Variants in SYT12 observed in about 807,000 individuals in gnomAD.
SYT12 encodes synaptotagmin-12.
SYT12 carries 27 observed loss-of-function variants against 39.5 expected under a neutral mutation model. The observed-to-expected ratio is 0.68, with a 90% CI of 0.50 to 0.94. The LOEUF is 0.94. SYT12 is among the 40% of genes least tolerant of loss of function. SYT12 has a pLI of 0.00. For synonymous variants in SYT12, 233 were observed against 239.7 expected (o/e 0.97, Z 0.26); for missense variants, 536 against 572.6 (o/e 0.94, Z 0.65).
At chr11:67,043,204 G>A (rs1373255394) in intron 4 of SYT12, among the ~76,000 whole-genome samples, 1 of 152,186 alleles carries the variant, frequency 6.6e-6, no homozygotes, top group Non-Finnish European at 1.5e-5. Flanking sequence ...TCCAGCCTAC[G>A]GTGTTCAAAC....
chr11:67,034,644 G>C lies in SYT12; in HGVS notation c.35-1G>C, dbSNP rs750151058. On this transcript the variant is annotated splice_acceptor_variant, in intron 2 of 7. Coordinates refer to ENST00000527043, the MANE Select transcript of SYT12 (RefSeq NM_177963.4). LOFTEE classifies it high-confidence loss of function. ...AATGAGAGGCTGCCCTTGCCTTGCA[G>C]TCATCAAGAGCCCCCCTGGCTGGGA... 30 of 1,589,580 alleles carry C rather than the reference G, an allele frequency of 1.9e-5. No homozygotes were observed. The highest frequency in any genetic ancestry group is 2.6e-5 in the Non-Finnish European group (30 of 1,170,988).
At chr11:67,034,290 T>G (rs1950320158) in intron 2 of SYT12, among the ~76,000 whole-genome samples, 3 of 152,226 alleles carry the variant, frequency 2.0e-5, no homozygotes, top group African/African-American at 7.2e-5. Flanking sequence ...GTACACAGGC[T>G]GATCATCCTA....
intron 1 of SYT12, chr11:67,029,017 C>G (rs777908745): frequency 6.6e-6 from 1 of 152,262 alleles, no homozygotes; most frequent in East Asian, 1.9e-4. Flanking sequence ...TCCTGGCCCT[C>G]GGTGCCCTTG....
Position 67,045,829 on chromosome 11 carries a change from G to C in SYT12, c.1044G>C (p.Pro348=), listed in dbSNP as rs190470065. 2 of 1,613,758 alleles carry C rather than the reference G, an allele frequency of 1.2e-6. No individual in the cohort carries two copies. Among genetic ancestry groups the C allele is most frequent in the Non-Finnish European group, 1.7e-6 (2 of 1,179,942 alleles). ...KTAVKRDDPN[P]VFNEAMIFSV... ...CCGTGAAGAGGGATGACCCCAACCC[G>C]GTGTTCAACGAAGCCATGATCTTCT... The change falls in exon 7 of 8, where the codon CCG becomes CCC. Residue 348 remains proline, a synonymous_variant. Coordinates refer to ENST00000527043, the MANE Select transcript of SYT12 (RefSeq NM_177963.4).
At chr11:67,017,943 A>G (rs1042482376) in intron 3 of SYT12, among the ~76,000 whole-genome samples, 5 of 151,414 alleles carry the variant, frequency 3.3e-5, no homozygotes, top group Non-Finnish European at 5.9e-5. Flanking sequence ...CTGGAGGACA[A>G]GAGTGAGGCT....
At chr11:67,021,695 A>T (rs1435372237), upstream of SYT12, among the ~76,000 whole-genome samples, 3 of 152,154 alleles carry the variant, frequency 2.0e-5, no homozygotes, top group Admixed American at 1.3e-4. Context: ...TCGGCCATTC[A>T]TTCCCCAGGC....
At chr11:67,048,086 C>T (rs1458376767) in intron 7 of SYT12, among the ~76,000 whole-genome samples, 2 of 150,562 alleles carry the variant, frequency 1.3e-5, no homozygotes, top group African/African-American at 2.4e-5. Flanking sequence ...CCACCGTGCC[C>T]GGCCGAAACC....
At chr11:67,035,457 T>C (rs1477963675) in intron 3 of SYT12, among the ~76,000 whole-genome samples, 1 of 144,984 alleles carries the variant, frequency 6.9e-6, no homozygotes, top group African/African-American at 2.7e-5. Flanking sequence ...CTTTTTCTTT[T>C]CTTTTTTTTT....
chr11:67,044,366 G>A (rs560885565), intron 5 of SYT12, among the ~76,000 whole-genome samples: 3 of 152,156 alleles, frequency 2.0e-5, no homozygotes, highest in Admixed American at 6.5e-5. Flanking sequence ...GGACCCTCCC[G>A]GTGGAAGGGA....
exon 2 of SYT12, chr11:67,009,897 G>A (rs1334232199): frequency 1.3e-5 from 2 of 152,920 alleles, no homozygotes; most frequent in African/African-American, 4.8e-5. Context: ...GCAGTGGCGC[G>A]ATCTCAGCTC....
chr11:67,035,458 CTT>C (rs1213047598), intron 3 of SYT12, among the ~76,000 whole-genome samples: 3 of 90,228 alleles, frequency 3.3e-5, no homozygotes, highest in Admixed American at 1.1e-4. Context: ...TTTTTCTTTT[CTT>C]TTTTTTTTTT....
At chr11:67,011,174 A>ATAATGAGATCCCCATCTC (rs1414292751) in intron 3 of SYT12, among the ~76,000 whole-genome samples, 11 of 152,204 alleles carry the variant, frequency 7.2e-5, no homozygotes, top group Non-Finnish European at 1.5e-4. Context: ...CCTGGGCAAC[A>ATAATGAGATCCCCATCTC]TAATGAGATC....
In SYT12 at chr11:67,030,154, G is replaced by T. The variant is rs1420745669; in HGVS notation, c.10G>T (p.Asp4Tyr). 6.2e-7 allele frequency: 1 copy of T among 1,614,052 alleles called. No individual in the cohort carries two copies. The highest frequency in any genetic ancestry group is 1.1e-5 in the South Asian group (1 of 91,070). ...CACTGCAGCAGACATCATGGCTGTG[G>T]ATGTGGCAGAATACCATCTGAGCGG... is the stretch of plus-strand genomic sequence containing the variant. The part of the protein sequence containing the change: MAV[D>Y]VAEYHLSVIK... Residue 4 changes from aspartate to tyrosine, a missense_variant, in exon 2 of 8, where the codon GAT (aspartate) becomes TAT (tyrosine). By Grantham distance (160) the Asp-to-Tyr change is radical (BLOSUM62 -3). Coordinates refer to ENST00000527043, the MANE Select transcript of SYT12 (RefSeq NM_177963.4).
At chr11:67,037,567 A>C in intron 3 of SYT12, among the ~76,000 whole-genome samples, 2 of 151,434 alleles carry the variant, frequency 1.3e-5, no homozygotes, top group Non-Finnish European at 2.9e-5. Context: ...TAAATAAATA[A>C]ATAAATAAAT....
chr11:67,015,986 A>T (rs981092880), intron 3 of SYT12, among the ~76,000 whole-genome samples: 1 of 152,230 alleles, frequency 6.6e-6, no homozygotes, highest in Non-Finnish European at 1.5e-5. Flanking sequence ...CATACACGAA[A>T]AGATGATGGG....
At chr11:67,036,773 T>TA (rs11440105) in intron 3 of SYT12, among the ~76,000 whole-genome samples, 95,023 of 151,466 alleles carry the variant, frequency 0.63, 35,349 homozygotes, top group South Asian at 0.86. Flanking sequence ...CTGTCTCTAC[T>TA]AAAAAAAATA....
chr11:67,019,199 G>A (rs535698882), upstream of SYT12, among the ~76,000 whole-genome samples: 12 of 152,192 alleles, frequency 7.9e-5, no homozygotes, highest in African/African-American at 2.4e-4. Flanking sequence ...ATCGCTGGGC[G>A]TGGTGACTCA....
chr11:67,042,849 C>A (rs1950539063), intron 4 of SYT12, among the ~76,000 whole-genome samples: 1 of 152,044 alleles, frequency 6.6e-6, no homozygotes, highest in South Asian at 2.1e-4. Context: ...CAGGCAGTGA[C>A]AGAAGAGTGT....
At chr11:67,035,855 T>C (rs1950366246) in intron 3 of SYT12, among the ~76,000 whole-genome samples, 1 of 133,990 alleles carries the variant, frequency 7.5e-6, no homozygotes, top group East Asian at 2.1e-4. Context: ...TCTTTCTTTC[T>C]TTCTTTCTTT....
Sources: allele counts gnomAD v4.1 joint callset (sites outside exome capture counted in the v4.1 genomes callset), GRCh38; gene constraint gnomAD v4.1.1; transcripts MANE v1.5; gene names NCBI Gene and HGNC (gene_info 2026-07-23, HGNC 2026-07-21).